ZNF208: variants seen among roughly 807,000 people sequenced by gnomAD.
The protein encoded by ZNF208 is zinc finger protein 208, also known as zinc finger protein 95.
In ZNF208, 10 loss-of-function variants were observed where a neutral mutation model predicts 12.1. The ratio of observed to expected loss-of-function variants is 0.83; its 90% CI spans 0.51 to 1.40. The LOEUF (loss-of-function observed/expected upper bound fraction) is 1.40, where lower values mean the gene tolerates loss of function less well. ZNF208 is among the 40% of genes most tolerant of loss of function. The pLI, the probability that ZNF208 is intolerant of heterozygous loss-of-function variation, is 0.00. For missense variants in ZNF208, 1,652 were observed against 1,485.0 expected, an observed-to-expected ratio of 1.11 and a Z score of -1.85; for synonymous variants, 497 against 488.4, an observed-to-expected ratio of 1.02 and a Z score of -0.23.
At chr19:21,997,925 T>C (rs1332580805) in intron 1 of ZNF208, 3 of 152,036 alleles carry the variant, frequency 2.0e-5, no homozygotes, top group Admixed American at 6.6e-5. Context: ...ACTGCTCTCA[T>C]TCTGAGAAAG....
chr19:21,952,900 C>T (rs1226259538), intron 4 of ZNF208, among the ~76,000 whole-genome samples: 9 of 152,066 alleles, frequency 5.9e-5, no homozygotes, highest in African/African-American at 2.2e-4. Context: ...AAAACAAACA[C>T]AAGGAAGCTA....
chr19:21,997,921 C>T (rs1397101220), intron 1 of ZNF208: 4 of 151,964 alleles, frequency 2.6e-5, no homozygotes, highest in African/African-American at 7.3e-5. Flanking sequence ...AAAAACTGCT[C>T]TCATTCTGAG....
At chr19:21,959,581 C>T (rs1453382626) in intron 4 of ZNF208, among the ~76,000 whole-genome samples, 14 of 152,234 alleles carry the variant, frequency 9.2e-5, no homozygotes, top group African/African-American at 2.6e-4. Flanking sequence ...CTTTGTTTTT[C>T]AGGCAGTAAA....
chr19:21,942,281 G>A (rs1348642249), intron 4 of ZNF208, among the ~76,000 whole-genome samples: 1 of 152,026 alleles, frequency 6.6e-6, no homozygotes, highest in African/African-American at 2.4e-5. Flanking sequence ...TTACTTAATA[G>A]TAGTATATAT....
chr19:21,944,853 T>C (rs1413038699), intron 4 of ZNF208, among the ~76,000 whole-genome samples: 1 of 152,216 alleles, frequency 6.6e-6, no homozygotes, highest in Non-Finnish European at 1.5e-5. Flanking sequence ...AGAAAGTGAC[T>C]ATGTCTTTGG....
rs1970358854 is a variant in ZNF208, at chr19:21,973,696, A to T, written c.1338T>A (p.Ile446=). 6.4e-7 allele frequency: 1 copy of T among 1,571,762 alleles called. No individual in the cohort carries two copies. The highest frequency in any genetic ancestry group is 1.1e-5 in the South Asian group (1 of 90,318). ...ATTTGTAGGGTGTCTCTCCAGTGTG[A>T]ATTTTCTTATGTTCCATAAGGTTTG... ...WSSNLMEHKK[I]HTGETPYKCE... The change falls in exon 4 of 4, where the codon ATT becomes ATA. Residue 446 remains isoleucine (I), a synonymous_variant. Transcript: ENST00000397126.
intron 3 of ZNF208, among the ~76,000 whole-genome samples, chr19:21,982,291 G>A (rs1970555227): frequency 6.7e-6 from 1 of 150,012 alleles, no homozygotes; most frequent in Non-Finnish European, 1.5e-5. Context: ...CTGGGAGGTG[G>A]AGCTTGCAGT....
intron 4 of ZNF208, among the ~76,000 whole-genome samples, chr19:21,960,331 T>C (rs1970043585): frequency 6.6e-6 from 1 of 152,066 alleles, no homozygotes; most frequent in Non-Finnish European, 1.5e-5. Flanking sequence ...AATAAAGGTA[T>C]CTAAGTCATA....
chr19:21,971,146 A>G lies in ZNF208; in HGVS notation c.*45T>C, dbSNP rs1477505494. On this transcript the variant is annotated 3_prime_UTR_variant, in exon 4 of 4. Transcript: ENST00000397126. ...CAGTATGAATTTTCTTATGATAACT[A>G]AGGGTTGAGGGCCACTTATAGGCTT... 6.2e-7 allele frequency: 1 copy of G among 1,612,144 alleles called. No homozygotes were observed. Among genetic ancestry groups the G allele is most frequent in the East Asian group, 2.2e-5 (1 of 44,782 alleles).
At chr19:21,986,722 ACAT>A in intron 3 of ZNF208, 1 of 256,706 alleles carries the variant, frequency 3.9e-6, no homozygotes, top group Non-Finnish European at 7.3e-6. Flanking sequence ...AAGCAGAAGG[ACAT>A]CATACTTTAT....
At chr19:21,984,686 T>C (rs1970604342) in intron 3 of ZNF208, among the ~76,000 whole-genome samples, 3 of 152,238 alleles carry the variant, frequency 2.0e-5, no homozygotes. Context: ...TCTATAAATT[T>C]AATGAAATGT....
chr19:21,948,600 T>C (rs1378548137), intron 4 of ZNF208, among the ~76,000 whole-genome samples: 1 of 152,126 alleles, frequency 6.6e-6, no homozygotes, highest in Non-Finnish European at 1.5e-5. Flanking sequence ...GTTACTATGA[T>C]TCAAGTTCCC....
chr19:21,972,177 C>G lies in ZNF208; in HGVS notation c.2857G>C (p.Ala953Pro), dbSNP rs190937794. 2 of 1,608,078 alleles carry G rather than the reference C, an allele frequency of 1.2e-6. No individual in the cohort carries two copies. Among genetic ancestry groups the G allele is most frequent in the Non-Finnish European group, 1.7e-6 (2 of 1,176,660 alleles). The change falls in exon 4 of 4, where the codon GCC becomes CCC. Residue 953 changes from alanine (A) to proline (P), a missense_variant. Ala to Pro is a conservative substitution (Grantham distance 27). Around this residue, in one of 3 missense-constraint regions of ZNF208, gnomAD observed 1,239 missense variants for 1,086.2 expected, o/e 1.14. Coordinates refer to ENST00000397126, the MANE Select transcript of ZNF208 (RefSeq NM_007153.3). Reference protein sequence around the residue: ...KFYKCEACGKAYKSSSTLSYH... With the variant: ...KFYKCEACGKPYKSSSTLSYH... Reference sequence around the variant, plus strand: ...CTAAGGGTTGAGGATGACTTATAGGCTTTGCCACATGCTTCACATTTGTAG... The same window carrying G: ...CTAAGGGTTGAGGATGACTTATAGGGTTTGCCACATGCTTCACATTTGTAG...
chr19:22,008,415 C>G (rs1321558524), intron 1 of ZNF208, among the ~76,000 whole-genome samples: 1 of 151,858 alleles, frequency 6.6e-6, no homozygotes, highest in Non-Finnish European at 1.5e-5. Flanking sequence ...CATCCAATTA[C>G]TTGAGAGATT....
chr19:21,947,622 A>C (rs994501583), intron 4 of ZNF208, among the ~76,000 whole-genome samples: 1 of 152,208 alleles, frequency 6.6e-6, no homozygotes, highest in Non-Finnish European at 1.5e-5. Flanking sequence ...CAACAGCTGG[A>C]AGAAGCCATG....
intron 3 of ZNF208, among the ~76,000 whole-genome samples, chr19:21,982,049 G>A (rs1392832400): frequency 6.6e-6 from 1 of 151,964 alleles, no homozygotes; most frequent in Non-Finnish European, 1.5e-5. Context: ...AATAAGAGAG[G>A]ACACAAAAAA....
chr19:21,975,823 CAAAAAAAAAAAAAAAAA>C (rs532995268), intron 3 of ZNF208, among the ~76,000 whole-genome samples: 2 of 26,408 alleles, frequency 7.6e-5, no homozygotes, highest in Non-Finnish European at 1.3e-4. Flanking sequence ...AGTCAAAGTC[CAAAAAAAAAAAAAAAAA>C]AAAAAAAAAA....
rs1970899632 is a variant in ZNF208 at position 21,999,361 on chromosome 19, T to G, written c.4-10452A>C. ...TCATACTATTGTAGAAAATACTGTT[T>G]ATATGAATGCAGGTTGTCTACAAAC... On this transcript the variant is annotated intron_variant, in intron 1 of 3. Coordinates refer to ENST00000397126, the MANE Select transcript of ZNF208 (RefSeq NM_007153.3). Among the ~76,000 whole-genome samples the G allele has an allele frequency of 2.6e-5, 4 of 152,192 alleles. No homozygotes were observed. In the South Asian group the frequency reaches 8.3e-4, roughly 31 times the overall value.
intron 4 of ZNF208, among the ~76,000 whole-genome samples, chr19:21,959,962 A>C (rs1849006): frequency 0.57 from 85,823 of 151,880 alleles, 24,488 homozygotes; most frequent in East Asian, 0.69. Flanking sequence ...CTTAGTATTT[A>C]TGAATAATTT....
Sources: gnomAD v4.1 joint callset for allele counts (sites outside exome capture counted in the v4.1 genomes callset) on GRCh38, gnomAD v4.1.1 for gene constraint, gnomAD v4.1.1 regional missense constraint, MANE v1.5 for transcripts, NCBI Gene and HGNC (gene_info 2026-07-23, HGNC 2026-07-21) for gene names.